The following PPA2 variants were observed in gnomAD, a reference collection of about 807,000 sequenced individuals.
PPA2 encodes inorganic pyrophosphatase 2.
A neutral mutation model predicts 49.5 loss-of-function variants in PPA2; 48 were observed. The observed-to-expected ratio is 0.97, with a 90% CI of 0.77 to 1.23. The LOEUF (loss-of-function observed/expected upper bound fraction) is 1.23, where lower values mean the gene tolerates loss of function less well. Among genes scored for constraint, PPA2 ranks in the 50% most tolerant of loss-of-function variants. The pLI is 0.00. For missense variants in PPA2, 429 were observed against 410.1 expected, an observed-to-expected ratio of 1.05 and a Z score of -0.40; for synonymous variants, 131 against 139.9, an observed-to-expected ratio of 0.94 and a Z score of 0.45.
chr4:105,423,461 T>C (rs561456633), intron 7 of PPA2: 29 of 152,288 alleles, frequency 1.9e-4, no homozygotes, highest in South Asian at 1.7e-3. Context: ...TATTCAACAC[T>C]GGTATGTGAA....
At chr4:105,396,189 A>T (rs1734134058) in intron 9 of PPA2, 60 bp downstream of exon 9, 1 of 1,051,122 alleles carries the variant, frequency 9.5e-7, no homozygotes, top group Non-Finnish European at 1.4e-6. Flanking sequence ...TCTGATTATT[A>T]TGTGGCTGTT....
rs752832891 is a variant in PPA2 at position 105,424,187 on chromosome 4, C to T, written c.655+9G>A. ...TTTGCTTTCACTTTCTGGAAAGTAACAGTCTTACCATGAAACTTTGAGGCT... is the reference window on the plus strand; with the variant it reads ...TTTGCTTTCACTTTCTGGAAAGTAATAGTCTTACCATGAAACTTTGAGGCT... On this transcript the variant is annotated intron_variant, in intron 7 of 11. Coordinates refer to ENST00000341695, the MANE Select transcript of PPA2 (RefSeq NM_176869.3). 6.3e-7 allele frequency: 1 copy of T among 1,596,014 alleles called. No homozygotes were observed. Among genetic ancestry groups the T allele is most frequent in the South Asian group, 1.2e-5 (1 of 86,650 alleles).
intron 7 of PPA2, chr4:105,405,645 GA>G: frequency 9.9e-7 from 1 of 1,012,920 alleles, no homozygotes; most frequent in Non-Finnish European, 1.2e-6. Context: ...TTCTGCTTCG[GA>G]AAAAACAGAG....
intron 6 of PPA2, among the ~76,000 whole-genome samples, chr4:105,424,765 TA>T (rs909928739): frequency 2.7e-5 from 4 of 150,618 alleles, no homozygotes; most frequent in South Asian, 2.1e-4. Context: ...TCACTGAGGT[TA>T]AAAAAAAATG....
chr4:105,450,519 G>A (rs1428556904), intron 3 of PPA2, among the ~76,000 whole-genome samples: 2 of 151,344 alleles, frequency 1.3e-5, no homozygotes, highest in Non-Finnish European at 2.9e-5. Flanking sequence ...TGGGATTACA[G>A]GTGCCCGCCA....
chr4:105,405,790 A>G lies in PPA2; in HGVS notation c.656-6626T>C, dbSNP rs76410072. 1.2e-3 allele frequency: 605 copies of G among 519,900 alleles called. 7 individuals carry two copies. The highest frequency in any genetic ancestry group is 0.011 in the African/African-American group (549 of 51,160). The allele number at this position is 519,900 out of a possible 1,614,324, so 32.2% of individuals were successfully genotyped here. A position where few individuals can be genotyped will look rare whatever the true frequency, so the allele number is the denominator to read the frequency against. On this transcript the variant is annotated intron_variant, in intron 7 of 11. Transcript: ENST00000341695. Reference sequence around the variant, plus strand: ...CAAGATAAGTAACTTTGTAGACCCAAGAGGGAACAAAAATACAAAACAACA... The same window carrying G: ...CAAGATAAGTAACTTTGTAGACCCAGGAGGGAACAAAAATACAAAACAACA...
At chr4:105,434,953 A>G (rs944405555) in intron 6 of PPA2, among the ~76,000 whole-genome samples, 1 of 152,240 alleles carries the variant, frequency 6.6e-6, no homozygotes, top group African/African-American at 2.4e-5. Flanking sequence ...CTTCAATTCA[A>G]TCTAAATCAA....
intron 11 of PPA2, chr4:105,370,576 C>T: frequency 1.0e-6 from 1 of 972,664 alleles, no homozygotes; most frequent in East Asian, 1.2e-4. Context: ...GCTGGAATAT[C>T]TCAGTACTTC....
At chr4:105,459,491 C>G (rs777793128) in intron 1 of PPA2, among the ~76,000 whole-genome samples, 3 of 152,186 alleles carry the variant, frequency 2.0e-5, no homozygotes, top group Non-Finnish European at 4.4e-5. Flanking sequence ...GGTGCACTTG[C>G]TCTGGAAAAC....
intron 6 of PPA2, among the ~76,000 whole-genome samples, chr4:105,425,611 T>C (rs1230433563): frequency 6.6e-6 from 1 of 152,036 alleles, no homozygotes; most frequent in East Asian, 1.9e-4. Context: ...ATAAATGGAA[T>C]TCCAGAATGG....
intron 10 of PPA2, among the ~76,000 whole-genome samples, chr4:105,386,276 G>C (rs66988826): frequency 1.3e-5 from 2 of 151,946 alleles, no homozygotes; most frequent in Non-Finnish European, 2.9e-5. Flanking sequence ...GTACAGAGGA[G>C]AGCATATTTA....
chr4:105,386,569 A>T lies in PPA2; in HGVS notation c.937T>A (p.Ser313Thr). Residue 313 changes from serine (S) to threonine (T), a missense_variant and splice_region_variant, in exon 10 of 12, where the codon TCG (serine) becomes ACG (threonine). Physicochemically the swap from Ser to Thr is moderately conservative, Grantham distance 58. Transcript: ENST00000341695. ...TGTCTTGGATGTTTGCCCCTTACCG[A>T]TTCAACTAATGATCTTGCTTCCTCT... Reference protein sequence around the residue: ...TQEEARSLVESVSSSPNKESN... With the variant: ...TQEEARSLVETVSSSPNKESN... 2 of 1,610,140 alleles carry T rather than the reference A, an allele frequency of 1.2e-6. No individual in the cohort carries two copies. The highest frequency in any genetic ancestry group is 2.2e-5 in the South Asian group (2 of 90,992).
At chr4:105,379,423 G>A (rs915671732) in intron 10 of PPA2, among the ~76,000 whole-genome samples, 6 of 129,050 alleles carry the variant, frequency 4.6e-5, no homozygotes, top group Non-Finnish European at 8.1e-5. Flanking sequence ...CTATCAATAT[G>A]TGTAGATAGA....
At chr4:105,377,304 T>C (rs1733295612) in intron 10 of PPA2, among the ~76,000 whole-genome samples, 1 of 152,202 alleles carries the variant, frequency 6.6e-6, no homozygotes, top group Non-Finnish European at 1.5e-5. Flanking sequence ...CTTATAGCAG[T>C]AATGACAATA....
chr4:105,416,210 G>GA (rs756048312), intron 7 of PPA2, among the ~76,000 whole-genome samples: 59 of 152,188 alleles, frequency 3.9e-4, no homozygotes, highest in Non-Finnish European at 4.6e-4. Context: ...ATGTTAGGAC[G>GA]AAAAAACATT....
intron 7 of PPA2, among the ~76,000 whole-genome samples, chr4:105,413,830 T>C (rs1203031014): frequency 6.6e-6 from 1 of 152,058 alleles, no homozygotes; most frequent in East Asian, 1.9e-4. Context: ...AGGTAACAAA[T>C]CTTTAAACAG....
chr4:105,392,208 TTAATA>T (rs1176781428), intron 9 of PPA2, among the ~76,000 whole-genome samples: 1 of 151,842 alleles, frequency 6.6e-6, no homozygotes, highest in Admixed American at 6.6e-5. Flanking sequence ...ATTCTCTCTG[TTAATA>T]TAATATTTAG....
At chr4:105,383,185 T>C (rs988633086) in intron 10 of PPA2, among the ~76,000 whole-genome samples, 10 of 152,192 alleles carry the variant, frequency 6.6e-5, no homozygotes, top group Non-Finnish European at 1.2e-4. Context: ...TTTGTGATCA[T>C]GTATAGTTCA....
In PPA2 at chr4:105,369,672, A is replaced by C. The variant is rs1732943755; in HGVS notation, c.*53T>G. ...GCTCATAGACCCCCTTGTCTCTAGCACTTGGAGTCCTTAGAGATGGGAATC... is the reference window on the plus strand; with the variant it reads ...GCTCATAGACCCCCTTGTCTCTAGCCCTTGGAGTCCTTAGAGATGGGAATC... On this transcript the variant is annotated 3_prime_UTR_variant, in exon 12 of 12. Coordinates refer to ENST00000341695, the MANE Select transcript of PPA2 (RefSeq NM_176869.3). The C allele has an allele frequency of 3.3e-6, 5 of 1,499,234 alleles. No individual in the cohort carries two copies. In the Admixed American group the frequency reaches 8.4e-5, roughly 25 times the overall value. 92.9% of individuals were successfully genotyped at this position (1,499,234 alleles called of 1,614,324 possible). A position where few individuals can be genotyped will look rare whatever the true frequency, so the allele number is the denominator to read the frequency against.
Sources: allele counts gnomAD v4.1 joint callset (sites outside exome capture counted in the v4.1 genomes callset), GRCh38; gene constraint gnomAD v4.1.1; transcripts MANE v1.5; gene names NCBI Gene and HGNC (gene_info 2026-07-23, HGNC 2026-07-21).